The following DNAH12 variants were observed in gnomAD, a reference collection of about 807,000 sequenced individuals.
The protein encoded by DNAH12 is axonemal beta dynein heavy chain 12.
Under a neutral mutation model 371.5 loss-of-function variants are expected in DNAH12, and 285 were observed. The ratio of observed to expected loss-of-function variants is 0.77; its 90% CI spans 0.70 to 0.85. The LOEUF (loss-of-function observed/expected upper bound fraction) is 0.85. Among genes scored for constraint, DNAH12 ranks in the 40% least tolerant of loss-of-function variants. The pLI is 0.00. For missense variants in DNAH12, 3,611 were observed against 3,689.4 expected (o/e 0.98, Z 0.55); for synonymous variants, 1,200 against 1,213.0 (o/e 0.99, Z 0.22).
chr3:57,390,424 A>AAAAAAAAAAAAAAAAAAAAATATATAT, intron 45 of DNAH12, among the ~76,000 whole-genome samples: 1 of 33,422 alleles, frequency 3.0e-5, no homozygotes, highest in Non-Finnish European at 7.0e-5. Flanking sequence ...AAAAAAAAAA[A>AAAAAAAAAAAAAAAAAAAAATATATAT]ATATATATAT....
At chr3:57,369,176 C>A (rs932226822) in intron 55 of DNAH12, among the ~76,000 whole-genome samples, 1 of 146,644 alleles carries the variant, frequency 6.8e-6, no homozygotes, top group Non-Finnish European at 1.5e-5. Flanking sequence ...GCTAAGATTG[C>A]GCCACTGCAC....
intron 62 of DNAH12, among the ~76,000 whole-genome samples, chr3:57,327,053 C>G (rs1031336636): frequency 4.6e-5 from 7 of 151,410 alleles, no homozygotes; most frequent in African/African-American, 1.7e-4. Context: ...CACCCAGATT[C>G]ATAAAGCAAG....
Position 57,461,509 on chromosome 3 carries a change from GT to G in DNAH12, c.2715del (p.Lys905AsnfsTer14). ...CATACCTTGATCTCATGTTCAAATGGTTTGATGAAAGGTGAGCCTCTCATTG... is the reference window on the plus strand; with the variant it reads ...CATACCTTGATCTCATGTTCAAATGGTTGATGAAAGGTGAGCCTCTCATTG... Reference protein sequence around the residue: ...TQTMRGSPFIKPFEHEIKAWE... With the variant: ...TQTMRGSPFIXPFEHEIKAWE... On this transcript the variant is annotated frameshift_variant, in exon 19 of 74. Coordinates refer to ENST00000495027, the MANE Select transcript of DNAH12 (RefSeq NM_001366028.2). LOFTEE classifies it high-confidence loss of function. 1 of 1,551,214 alleles carries G rather than the reference GT, an allele frequency of 6.4e-7. No individual in the cohort carries two copies. The highest frequency in any genetic ancestry group is 8.7e-7 in the Non-Finnish European group (1 of 1,146,792).
At chr3:57,522,740 A>G (rs1203844437) in intron 4 of DNAH12, among the ~76,000 whole-genome samples, 1 of 152,018 alleles carries the variant, frequency 6.6e-6, no homozygotes, top group African/African-American at 2.4e-5. Flanking sequence ...CCAGTTCCAT[A>G]CGTTTCTGTT....
At chr3:57,395,786 AT>A (rs2063723971) in intron 43 of DNAH12, among the ~76,000 whole-genome samples, 1 of 151,788 alleles carries the variant, frequency 6.6e-6, no homozygotes, top group African/African-American at 2.4e-5. Flanking sequence ...CTCTAAAAAA[AT>A]AAAAAAAATA....
intron 2 of DNAH12, among the ~76,000 whole-genome samples, chr3:57,540,008 C>T (rs936353524): frequency 1.3e-5 from 2 of 152,024 alleles, no homozygotes; most frequent in African/African-American, 2.4e-5. Context: ...TTTCCTCTCA[C>T]TAGCATACAA....
intron 25 of DNAH12, among the ~76,000 whole-genome samples, chr3:57,449,304 G>A (rs1176498588): frequency 3.9e-5 from 6 of 152,340 alleles, no homozygotes; most frequent in African/African-American, 1.4e-4. Context: ...CCACACCCGG[G>A]CTGCAGGTGG....
At chr3:57,303,859 A>T (rs2061413661) in intron 69 of DNAH12, among the ~76,000 whole-genome samples, 1 of 152,198 alleles carries the variant, frequency 6.6e-6, no homozygotes, top group Admixed American at 6.5e-5. Context: ...GCACGTATAC[A>T]TCCAGATGGC....
intron 64 of DNAH12, among the ~76,000 whole-genome samples, chr3:57,322,728 G>A (rs1311634752): frequency 3.3e-5 from 5 of 152,150 alleles, no homozygotes; most frequent in African/African-American, 2.4e-5. Flanking sequence ...TCAGGAGTTC[G>A]AGACCAGGCT....
intron 62 of DNAH12, among the ~76,000 whole-genome samples, chr3:57,331,624 A>C (rs1445742629): frequency 6.6e-6 from 1 of 152,128 alleles, no homozygotes; most frequent in Non-Finnish European, 1.5e-5. Context: ...AAAACGGTAA[A>C]ATTTTTTTCT....
rs142715999 is a variant in DNAH12, at chr3:57,308,332, G to C, written c.11189+819C>G. 1.5e-3 allele frequency among the ~76,000 whole-genome samples: 223 copies of C among 152,178 alleles called. 2 individuals carry two copies. In the East Asian group the frequency reaches 0.036, roughly 24 times the overall value. ...ACCCAAGCAGTTCCTCAGGCTCTTA[G>C]TATTCAGTGAACTAATGGTCTTTTA... On this transcript the variant is annotated intron_variant, in intron 69 of 73. Coordinates refer to ENST00000495027, the MANE Select transcript of DNAH12 (RefSeq NM_001366028.2).
intron 70 of DNAH12, among the ~76,000 whole-genome samples, chr3:57,301,266 A>C (rs1226110527): frequency 3.2e-4 from 1 of 3,170 alleles, no homozygotes; most frequent in Non-Finnish European, 5.5e-4. Flanking sequence ...ACCCTGTCTC[A>C]AAAAAAAAAA....
At chr3:57,331,218 A>G (rs1220027314) in intron 62 of DNAH12, among the ~76,000 whole-genome samples, 3 of 152,202 alleles carry the variant, frequency 2.0e-5, no homozygotes, top group African/African-American at 4.8e-5. Context: ...GCTTCCAAAC[A>G]CGGCAGACAA....
Position 57,421,560 on chromosome 3 carries a change from G to A in DNAH12, c.5520C>T (p.Cys1840=), listed in dbSNP as rs1180922409. ...AGACCAGGCCTTTTTCATCAAATGG[G>A]CATTCCCATTTACCCACAGAATCTG... The part of the protein sequence containing the change: ...PVPDSVGKWE[C]PFDEKGLVYD... Residue 1840 remains cysteine, a synonymous_variant, in exon 36 of 74, where the codon TGC becomes TGT. Transcript: ENST00000495027. The A allele has an allele frequency of 6.4e-7, 1 of 1,551,508 alleles. No individual in the cohort carries two copies. Among genetic ancestry groups the A allele is most frequent in the Non-Finnish European group, 8.7e-7 (1 of 1,146,964 alleles).
chr3:57,513,151 A>AG, intron 4 of DNAH12, among the ~76,000 whole-genome samples: 1 of 151,974 alleles, frequency 6.6e-6, no homozygotes, highest in East Asian at 1.9e-4. Context: ...AAAAAAAAAA[A>AG]TGTGGTACAT....
chr3:57,338,416 G>A (rs1553654610), intron 60 of DNAH12, among the ~76,000 whole-genome samples: 1 of 151,654 alleles, frequency 6.6e-6, no homozygotes, highest in Non-Finnish European at 1.5e-5. Context: ...TCTAGGAAGT[G>A]AGGAGCATCT....
chr3:57,326,340 A>G (rs1022891148), intron 62 of DNAH12, among the ~76,000 whole-genome samples: 52 of 152,366 alleles, frequency 3.4e-4, no homozygotes, highest in African/African-American at 1.2e-3. Context: ...AGGGAAGCCC[A>G]TCAGACTAAC....
chr3:57,447,435 C>A (rs924422716), intron 25 of DNAH12, among the ~76,000 whole-genome samples: 6 of 151,980 alleles, frequency 3.9e-5, no homozygotes, highest in Non-Finnish European at 5.9e-5. Context: ...AATTTAACTT[C>A]TTTTAGAAAA....
chr3:57,421,900 G>GTTTTTTTTTTTT (rs1383551758), intron 35 of DNAH12, among the ~76,000 whole-genome samples, 194 bp from the exon 36 acceptor site: 4 of 97,712 alleles, frequency 4.1e-5, no homozygotes, highest in African/African-American at 1.2e-4. Context: ...ATGTTTGCAT[G>GTTTTTTTTTTTT]TCTTTTTTTT....
Sources: allele counts gnomAD v4.1 joint callset (sites outside exome capture counted in the v4.1 genomes callset), GRCh38; gene constraint gnomAD v4.1.1; transcripts MANE v1.5; gene names NCBI Gene and HGNC (gene_info 2026-07-23, HGNC 2026-07-21).